Variants in ZNF185 observed in about 807,000 individuals in gnomAD.
ZNF185 encodes zinc finger protein 185.
Under a neutral mutation model 58.6 loss-of-function variants are expected in ZNF185, and 56 were observed. The ratio of observed to expected loss-of-function variants is 0.95; its 90% CI spans 0.77 to 1.19. ZNF185 has a LOEUF of 1.19. Ranked by LOEUF, ZNF185 falls within the 50% of genes most tolerant of loss-of-function variation. ZNF185 has a pLI of 0.00. For synonymous variants in ZNF185, 230 were observed against 215.9 expected, an observed-to-expected ratio of 1.07 and a Z score of -0.57; for missense variants, 627 against 573.5, an observed-to-expected ratio of 1.09 and a Z score of -0.95.
intron 12 of ZNF185, 113 bp from the exon 14 acceptor site, chrX:152,931,559 A>C: frequency 1.7e-6 from 1 of 601,812 alleles, no homozygotes; most frequent in South Asian, 3.3e-5. Flanking sequence ...CACCCGGCCC[A>C]GTAGCAGGTT....
rs782306519 is a variant in ZNF185, at chrX:152,917,823, C to T, written c.342-242C>T. ...TCAGACTGGAAAGGCCAAGGGGACC[C>T]GGAAACAGGAAGCAAAGACACAGGC... On this transcript the variant is annotated intron_variant, in intron 5 of 22. Coordinates refer to ENST00000449285, the Ensembl canonical transcript of ZNF185. 97 of 1,065,280 alleles carry T rather than the reference C, an allele frequency of 9.1e-5. No individual in the cohort carries two copies. In the South Asian group the frequency reaches 1.9e-3, roughly 21 times the overall value. 87.8% of individuals were successfully genotyped at this position (1,065,280 alleles called of 1,213,427 possible).
chrX:152,963,113 CTGCCCAACAT>C (rs2049711706), intron 17 of ZNF185, among the ~76,000 whole-genome samples: 1 of 113,098 alleles, frequency 8.8e-6, no homozygotes, highest in Admixed American at 9.3e-5. Flanking sequence ...GTCAGTGGTG[CTGCCCAACAT>C]CGTGCCCTGA....
At chrX:152,958,044 A>AT (rs1163310810) in intron 16 of ZNF185, among the ~76,000 whole-genome samples, 197 of 111,368 alleles carry the variant, frequency 1.8e-3, no homozygotes, top group African/African-American at 5.8e-3. Context: ...ACACAAAAGA[A>AT]TTTTTTTTTA....
At chrX:152,907,016 C>G in the ZNF185 span, among the ~76,000 whole-genome samples, 1 of 111,307 alleles carries the variant, frequency 9.0e-6, no homozygotes, top group Non-Finnish European at 1.9e-5. Flanking sequence ...CCATCCTAAT[C>G]CCCTGCGAGC....
upstream of ZNF185, among the ~76,000 whole-genome samples, chrX:152,913,694 C>T (rs1924264848): frequency 8.9e-6 from 1 of 112,079 alleles, no homozygotes; most frequent in Admixed American, 9.4e-5. Context: ...AGCCAACCCC[C>T]GAAGGAAACA....
chrX:152,964,147 A>T (rs1173930778), intron 18 of ZNF185, among the ~76,000 whole-genome samples, 198 bp downstream of exon 20: 5 of 112,377 alleles, frequency 4.4e-5, no homozygotes, highest in Non-Finnish European at 9.4e-5. Context: ...AGACATTCCC[A>T]CACCTCCTTT....
the ZNF185 span, among the ~76,000 whole-genome samples, chrX:152,902,137 C>T: frequency 8.9e-6 from 1 of 112,200 alleles, no homozygotes; most frequent in Non-Finnish European, 1.9e-5. Context: ...CAGAGCTGCC[C>T]TTGGGGCTGC....
chrX:152,965,539 T>A lies in ZNF185; in HGVS notation c.1799+12T>A, dbSNP rs782622488. On this transcript the variant is annotated intron_variant, in intron 19 of 22. Coordinates refer to ENST00000449285, the Ensembl canonical transcript of ZNF185. ...GCACGCTATAGCAAGTAAGAGCGGG[T>A]CCCAAACCCTTCCATGTCGGCCTTC... 6.0e-6 allele frequency: 7 copies of A among 1,160,749 alleles called. No individual in the cohort carries two copies.
At chrX:152,918,212 T>C (rs1556867419) in intron 6 of ZNF185, 58 bp downstream of exon 7, 2 of 1,142,738 alleles carry the variant, frequency 1.8e-6, no homozygotes, top group East Asian at 3.3e-5. Context: ...AAGTCCAAAC[T>C]CTGGGTCCAC....
chrX:152,920,623 C>T, intron 8 of ZNF185, 84 bp from the exon 10 acceptor site: 1 of 1,152,417 alleles, frequency 8.7e-7, no homozygotes, highest in South Asian at 1.8e-5. Context: ...TGGAGAGGGC[C>T]CAGGACCCTC....
At chrX:152,906,572 G>C in the ZNF185 span, among the ~76,000 whole-genome samples, 1 of 113,055 alleles carries the variant, frequency 8.8e-6, no homozygotes, top group Non-Finnish European at 1.9e-5. Flanking sequence ...ACTCTGGGCT[G>C]TGTCCCCCTT....
the ZNF185 span, among the ~76,000 whole-genome samples, chrX:152,898,546 C>T: frequency 8.9e-6 from 1 of 112,320 alleles, no homozygotes; most frequent in Non-Finnish European, 1.9e-5. Context: ...CGGCGAGGGG[C>T]CAGGATGCTC....
At position 152,915,134 on chromosome X, in the gene ZNF185, C is replaced by T. The variant is rs1556864787; in HGVS notation, c.159-4C>T. The T allele has an allele frequency of 2.5e-6, 3 of 1,208,341 alleles. No homozygotes were observed. The highest frequency in any genetic ancestry group is 3.4e-6 in the Non-Finnish European group (3 of 894,522). On this transcript the variant is annotated splice_polypyrimidine_tract_variant and splice_region_variant and intron_variant, in intron 2 of 22. Coordinates refer to ENST00000449285, the Ensembl canonical transcript of ZNF185. Reference sequence around the variant, plus strand: ...CAATCCTTCAGGATGCCTCTTTCCCCCAGAGAGCTGCCCTCAGGCCGGAGT... The same window carrying T: ...CAATCCTTCAGGATGCCTCTTTCCCTCAGAGAGCTGCCCTCAGGCCGGAGT...
chrX:152,957,233 A>ATTTT (rs199603981), intron 16 of ZNF185, among the ~76,000 whole-genome samples: 7 of 97,764 alleles, frequency 7.2e-5, no homozygotes, highest in African/African-American at 2.6e-4. Context: ...ATGTCTGGCT[A>ATTTT]TTTTTTTTTT....
chrX:152,938,951 G>C (rs781822943), intron 15 of ZNF185, among the ~76,000 whole-genome samples: 54 of 102,718 alleles, frequency 5.3e-4, no homozygotes, highest in Non-Finnish European at 9.6e-4. Flanking sequence ...GGTGGAGAGA[G>C]CTATAGATAA....
intron 15 of ZNF185, among the ~76,000 whole-genome samples, chrX:152,940,337 G>T (rs1044777913): frequency 1.9e-5 from 2 of 103,972 alleles, no homozygotes; most frequent in African/African-American, 7.1e-5. Flanking sequence ...ATACATGTGA[G>T]GTATACATTA....
intron 16 of ZNF185, among the ~76,000 whole-genome samples, chrX:152,956,613 C>T (rs1214140173): frequency 9.0e-6 from 1 of 111,500 alleles, no homozygotes; most frequent in Admixed American, 9.5e-5. Context: ...GTGGCATGCA[C>T]CTGTAATCCC....
chrX:152,961,942 T>A (rs1389602774), intron 17 of ZNF185, among the ~76,000 whole-genome samples: 3 of 111,833 alleles, frequency 2.7e-5, no homozygotes, highest in African/African-American at 9.7e-5. Flanking sequence ...GCATCCATAC[T>A]GCCCCTCCAT....
chrX:152,914,171 A>T (rs782811135), upstream of ZNF185, among the ~76,000 whole-genome samples: 6 of 111,820 alleles, frequency 5.4e-5, no homozygotes, highest in South Asian at 2.3e-3. Flanking sequence ...GTTATCAGTG[A>T]TCGCTTTGAA....
Sources: gnomAD v4.1 joint callset for allele counts (sites outside exome capture counted in the v4.1 genomes callset) on GRCh38, gnomAD v4.1.1 for gene constraint, MANE v1.5 for transcripts, NCBI Gene and HGNC (gene_info 2026-07-23, HGNC 2026-07-21) for gene names.